The following NCAM2 variants were observed in gnomAD, a reference collection of about 807,000 sequenced individuals.
NCAM2 encodes the protein N-CAM-2.
In NCAM2, 30 loss-of-function variants were observed where a neutral mutation model predicts 98.1. The observed-to-expected ratio is 0.31, with a 90% CI of 0.23 to 0.41. NCAM2 has a LOEUF of 0.41. Ranked by LOEUF, NCAM2 falls within the 10% of genes least tolerant of loss-of-function variation. NCAM2 has a pLI of 1.00. For synonymous variants in NCAM2, 368 were observed against 342.4 expected (o/e 1.07, Z -0.83); for missense variants, 867 against 1,005.8 (o/e 0.86, Z 1.87).
At chr21:21,211,428 C>T (rs1022968186) in intron 1 of NCAM2, among the ~76,000 whole-genome samples, 3 of 152,146 alleles carry the variant, frequency 2.0e-5, no homozygotes, top group African/African-American at 7.2e-5. Flanking sequence ...ATCTGTCTGA[C>T]CCCAGAATCC....
At chr21:21,148,460 A>G (rs2067353003) in intron 1 of NCAM2, among the ~76,000 whole-genome samples, 1 of 152,172 alleles carries the variant, frequency 6.6e-6, no homozygotes, top group Non-Finnish European at 1.5e-5. Context: ...CTCTGGAAAA[A>G]TTTATTTGTC....
At chr21:21,150,502 T>G (rs1055708296) in intron 1 of NCAM2, among the ~76,000 whole-genome samples, 1 of 152,116 alleles carries the variant, frequency 6.6e-6, no homozygotes, top group Non-Finnish European at 1.5e-5. Context: ...TTGATCAGAT[T>G]GAGGAAATGT....
chr21:21,084,182 T>C (rs1985372982), intron 1 of NCAM2, among the ~76,000 whole-genome samples: 1 of 151,986 alleles, frequency 6.6e-6, no homozygotes, highest in South Asian at 2.1e-4. Context: ...CAAAAAAGAG[T>C]GCTCATCTCA....
At chr21:21,319,221 A>C (rs1182701959) in intron 5 of NCAM2, among the ~76,000 whole-genome samples, 4 of 152,242 alleles carry the variant, frequency 2.6e-5, no homozygotes, top group African/African-American at 9.6e-5. Context: ...ATTTTTTAAA[A>C]TAGCAATAAA....
At position 21,540,839 on chromosome 21, in the gene NCAM2, A is replaced by G. The variant is rs990417361; in HGVS notation, c.*2882A>G. The stretch of plus-strand genomic sequence containing the variant: ...TGTATTCAACAACATATAAGAGGAA[A>G]GAGTAATATCAGAATTTTGACACAA... On this transcript the variant is annotated 3_prime_UTR_variant, in exon 18 of 18. Coordinates refer to ENST00000400546, the MANE Select transcript of NCAM2 (RefSeq NM_004540.5). The G allele has an allele frequency of 6.6e-6, 1 of 151,984 alleles. No individual in the cohort carries two copies. Among genetic ancestry groups the G allele is most frequent in the Non-Finnish European group, 1.5e-5 (1 of 67,876 alleles). 9.4% of individuals were successfully genotyped at this position (151,984 alleles called of 1,614,324 possible). A position where few individuals can be genotyped will look rare whatever the true frequency, so the allele number is the denominator to read the frequency against.
chr21:21,444,736 T>C (rs986453260), intron 12 of NCAM2, among the ~76,000 whole-genome samples: 5 of 152,186 alleles, frequency 3.3e-5, no homozygotes, highest in African/African-American at 9.7e-5. Context: ...TCTTCTTTAT[T>C]AGACTAGTTA....
intron 1 of NCAM2, among the ~76,000 whole-genome samples, chr21:21,114,229 T>C (rs182489858): frequency 3.2e-4 from 48 of 152,310 alleles, no homozygotes; most frequent in Non-Finnish European, 2.9e-5. Context: ...TGTGGCAGGC[T>C]TCTCATGAGA....
chr21:21,299,473 T>C (rs1349186953), intron 5 of NCAM2, among the ~76,000 whole-genome samples: 2 of 151,930 alleles, frequency 1.3e-5, no homozygotes, highest in Non-Finnish European at 2.9e-5. Flanking sequence ...TGCTACATCA[T>C]CTTCTTAAGC....
At chr21:21,509,773 T>C (rs1988243441) in intron 16 of NCAM2, among the ~76,000 whole-genome samples, 1 of 152,198 alleles carries the variant, frequency 6.6e-6, no homozygotes, top group Non-Finnish European at 1.5e-5. Flanking sequence ...TACATAGATA[T>C]AGATCTAATT....
chr21:21,115,328 C>A (rs914081387), intron 1 of NCAM2, among the ~76,000 whole-genome samples: 1 of 152,062 alleles, frequency 6.6e-6, no homozygotes, highest in African/African-American at 2.4e-5. Context: ...TGCTAAGCCA[C>A]CATTTAGAAT....
At chr21:21,265,428 T>G (rs1371847164) in intron 1 of NCAM2, among the ~76,000 whole-genome samples, 1 of 61,216 alleles carries the variant, frequency 1.6e-5, no homozygotes, top group Non-Finnish European at 2.8e-5. Context: ...AATATATGTG[T>G]GTATATATAT....
At chr21:21,131,980 C>T (rs550025666) in intron 1 of NCAM2, among the ~76,000 whole-genome samples, 1 of 152,172 alleles carries the variant, frequency 6.6e-6, no homozygotes, top group Non-Finnish European at 1.5e-5. Context: ...TTTTACACTT[C>T]TGTGGATCAG....
intron 16 of NCAM2, among the ~76,000 whole-genome samples, chr21:21,534,297 T>C (rs1186508535): frequency 6.6e-6 from 1 of 152,010 alleles, no homozygotes; most frequent in Non-Finnish European, 1.5e-5. Context: ...GCAAAATAAT[T>C]GATACAGTTT....
chr21:21,091,367 G>T (rs2066008446), intron 1 of NCAM2, among the ~76,000 whole-genome samples: 1 of 151,600 alleles, frequency 6.6e-6, no homozygotes, highest in South Asian at 2.1e-4. Flanking sequence ...CATCCCTATT[G>T]CTCACGTCCA....
At chr21:21,010,195 A>G (rs1239882198) in intron 1 of NCAM2, among the ~76,000 whole-genome samples, 4 of 152,088 alleles carry the variant, frequency 2.6e-5, no homozygotes, top group Non-Finnish European at 4.4e-5. Flanking sequence ...TTGGTAATCT[A>G]GATGAGTTAT....
chr21:21,284,267 A>G lies in NCAM2; in HGVS notation c.204A>G (p.Val68=). The change falls in exon 3 of 18, where the codon GTA becomes GTG. Residue 68 remains valine, a synonymous_variant. Coordinates refer to ENST00000400546, the MANE Select transcript of NCAM2 (RefSeq NM_004540.5). ...GEKIISTQRV[V]VQKEGVRSRL... ...AGATAATTTCAACACAGAGGGTAGT[A>G]GTGCAAAAGGAAGGTGTTAGGTCAC... is the stretch of plus-strand genomic sequence containing the variant. 1.2e-6 allele frequency: 2 copies of G among 1,612,232 alleles called. No individual in the cohort carries two copies. The highest frequency in any genetic ancestry group is 1.7e-4 in the Middle Eastern group (1 of 6,056).
intron 12 of NCAM2, among the ~76,000 whole-genome samples, chr21:21,458,899 A>T (rs567927648): frequency 3.5e-4 from 53 of 152,308 alleles, no homozygotes; most frequent in African/African-American, 1.3e-3. Context: ...CAACCAACAG[A>T]GCGAAAGGGA....
At chr21:21,239,555 T>G (rs1212908994) in intron 1 of NCAM2, 1 of 152,150 alleles carries the variant, frequency 6.6e-6, no homozygotes, top group Non-Finnish European at 1.5e-5. Context: ...TTGAAGGTAT[T>G]ATATACATCA....
At chr21:21,099,178 A>T (rs1014774458) in intron 1 of NCAM2, among the ~76,000 whole-genome samples, 2 of 147,620 alleles carry the variant, frequency 1.4e-5, no homozygotes, top group East Asian at 4.0e-4. Flanking sequence ...CAAAGGATCA[A>T]TAATCAGTTT....
Sources: allele counts gnomAD v4.1 joint callset (sites outside exome capture counted in the v4.1 genomes callset), GRCh38; gene constraint gnomAD v4.1.1; transcripts MANE v1.5; gene names NCBI Gene and HGNC (gene_info 2026-07-23, HGNC 2026-07-21).